Variants in GRID2 observed in about 807,000 individuals in gnomAD.
GRID2 encodes the protein glutamate ionotropic receptor delta type subunit 2.
Under a neutral mutation model 114.8 loss-of-function variants are expected in GRID2, and 33 were observed. That is an observed-to-expected ratio of 0.29 (90% CI 0.22 to 0.38). The LOEUF (loss-of-function observed/expected upper bound fraction) is 0.38, where lower values mean the gene tolerates loss of function less well. GRID2 is among the 10% of genes least tolerant of loss of function. GRID2 has a pLI of 1.00. For missense variants in GRID2, 1,184 were observed against 1,257.7 expected (o/e 0.94, Z 0.89); for synonymous variants, 505 against 449.9 (o/e 1.12, Z -1.55).
chr4:93,290,872 C>CTTTTTTT (rs56735687), intron 8 of GRID2, among the ~76,000 whole-genome samples: 21 of 88,520 alleles, frequency 2.4e-4, no homozygotes, highest in East Asian at 6.6e-4. Flanking sequence ...ATACAAGTTA[C>CTTTTTTT]TTTTTTTTTT....
chr4:93,346,751 C>A (rs1760278548), intron 8 of GRID2, among the ~76,000 whole-genome samples: 1 of 152,232 alleles, frequency 6.6e-6, no homozygotes, highest in East Asian at 1.9e-4. Flanking sequence ...CTAAGCGAAT[C>A]TCATCTCAAC....
intron 1 of GRID2, among the ~76,000 whole-genome samples, chr4:93,792,988 T>C (rs919932395): frequency 1.3e-5 from 2 of 152,244 alleles, no homozygotes; most frequent in Non-Finnish European, 1.5e-5. Flanking sequence ...ACAATGTACA[T>C]GCAGTTTAGC....
intron 13 of GRID2, among the ~76,000 whole-genome samples, chr4:93,587,821 A>G (rs1018436201): frequency 6.6e-6 from 1 of 152,150 alleles, no homozygotes; most frequent in Admixed American, 6.6e-5. Context: ...TCACTCAAAG[A>G]AAAGCTTCCA....
chr4:92,789,603 T>C (rs1458051508), intron 2 of GRID2, among the ~76,000 whole-genome samples: 1 of 151,930 alleles, frequency 6.6e-6, no homozygotes, highest in Non-Finnish European at 1.5e-5. Context: ...TGTTTGTTAT[T>C]TCTAAAATGT....
chr4:93,438,527 G>A (rs1024640315), intron 10 of GRID2, among the ~76,000 whole-genome samples: 2 of 152,036 alleles, frequency 1.3e-5, no homozygotes, highest in African/African-American at 4.8e-5. Flanking sequence ...AAAGATAGCT[G>A]AGGTAGGCCT....
At chr4:92,999,669 A>T (rs373501398) in intron 2 of GRID2, among the ~76,000 whole-genome samples, 114 of 151,722 alleles carry the variant, frequency 7.5e-4, no homozygotes, top group African/African-American at 2.7e-3. Context: ...ATCATTTCCT[A>T]GTTTTGCTAT....
intron 4 of GRID2, among the ~76,000 whole-genome samples, chr4:93,174,524 T>A (rs1370960054): frequency 1.3e-5 from 2 of 152,174 alleles, no homozygotes; most frequent in African/African-American, 4.8e-5. Context: ...ATGTTGAAGC[T>A]TTAACCCCCG....
chr4:93,416,734 A>G (rs1767748734), intron 9 of GRID2, among the ~76,000 whole-genome samples: 1 of 152,124 alleles, frequency 6.6e-6, no homozygotes, highest in South Asian at 2.1e-4. Flanking sequence ...CTAAGCATTT[A>G]TCATGAGATT....
At chr4:92,869,681 A>G (rs1745135012) in intron 2 of GRID2, among the ~76,000 whole-genome samples, 1 of 152,132 alleles carries the variant, frequency 6.6e-6, no homozygotes, top group African/African-American at 2.4e-5. Context: ...CACCTCAACC[A>G]CATTCAGCCA....
rs56174708 is a variant in GRID2, at chr4:92,724,410, A to G, written c.244+134124A>G. On this transcript the variant is annotated intron_variant, in intron 2 of 15. Coordinates refer to ENST00000282020, the MANE Select transcript of GRID2 (RefSeq NM_001510.4). ...AGCATACTGCAGCTCTATCATGTTC[A>G]TCTCACTCTTATTCTAGGACTGAGT... Among the ~76,000 whole-genome samples the G allele has an allele frequency of 6.5e-3, 987 of 152,244 alleles. 5 individuals carry two copies. The highest frequency in any genetic ancestry group is 0.021 in the African/African-American group (882 of 41,554).
At chr4:93,564,225 T>A (rs981602203) in intron 13 of GRID2, among the ~76,000 whole-genome samples, 15 of 152,054 alleles carry the variant, frequency 9.9e-5, no homozygotes, top group Admixed American at 7.9e-4. Flanking sequence ...CTTCCCTGAC[T>A]TGATTTTGCG....
chr4:92,879,783 A>G (rs900310380), intron 2 of GRID2, among the ~76,000 whole-genome samples: 2 of 152,244 alleles, frequency 1.3e-5, no homozygotes, highest in Non-Finnish European at 2.9e-5. Context: ...AGTAAACATC[A>G]TGCAATGTTT....
chr4:92,569,727 T>A (rs1281388554), intron 1 of GRID2, among the ~76,000 whole-genome samples: 1 of 151,988 alleles, frequency 6.6e-6, no homozygotes, highest in Non-Finnish European at 1.5e-5. Flanking sequence ...ATCAGTGGGG[T>A]TGATCTTTTT....
intron 1 of GRID2, among the ~76,000 whole-genome samples, chr4:93,789,940 G>A (rs1250605164): frequency 6.6e-6 from 1 of 152,156 alleles, no homozygotes; most frequent in Non-Finnish European, 1.5e-5. Context: ...TGTCAGATCA[G>A]CATTAGATTC....
intron 2 of GRID2, among the ~76,000 whole-genome samples, chr4:92,969,417 G>T (rs1029456298): frequency 4.6e-5 from 7 of 151,484 alleles, no homozygotes; most frequent in African/African-American, 1.7e-4. Context: ...ATGAGTTGTG[G>T]CAATTTTACA....
chr4:93,706,644 C>T (rs1450644292), intron 14 of GRID2, among the ~76,000 whole-genome samples: 4 of 152,000 alleles, frequency 2.6e-5, no homozygotes, highest in African/African-American at 7.2e-5. Context: ...AATATAAGAC[C>T]ATATCATCTG....
chr4:92,552,098 A>G (rs1726621740), intron 1 of GRID2, among the ~76,000 whole-genome samples: 1 of 152,126 alleles, frequency 6.6e-6, no homozygotes, highest in East Asian at 1.9e-4. Flanking sequence ...CAAAATTGGA[A>G]TTTAGATGAA....
chr4:93,583,993 T>C (rs1453230716), intron 13 of GRID2, among the ~76,000 whole-genome samples: 2 of 152,176 alleles, frequency 1.3e-5, no homozygotes, highest in African/African-American at 4.8e-5. Context: ...TGGAAAATGC[T>C]GAAACATTTC....
At chr4:92,630,778 T>C (rs1730767029) in intron 2 of GRID2, among the ~76,000 whole-genome samples, 1 of 152,050 alleles carries the variant, frequency 6.6e-6, no homozygotes, top group Admixed American at 6.6e-5. Flanking sequence ...AGGAAGAAAA[T>C]ACATTACGGA....
Sources: gnomAD v4.1 joint callset for allele counts (sites outside exome capture counted in the v4.1 genomes callset) on GRCh38, gnomAD v4.1.1 for gene constraint, MANE v1.5 for transcripts, NCBI Gene and HGNC (gene_info 2026-07-23, HGNC 2026-07-21) for gene names.